Variants in MSTO1 observed in about 807,000 individuals in gnomAD.
MSTO1 encodes the protein protein misato homolog 1.
MSTO1 carries 24 observed loss-of-function variants against 55.7 expected under a neutral mutation model. The observed-to-expected ratio is 0.43, with a 90% CI of 0.31 to 0.61. MSTO1 has a LOEUF of 0.61. Ranked by LOEUF, MSTO1 falls within the 20% of genes least tolerant of loss-of-function variation. The pLI, the probability that MSTO1 is intolerant of heterozygous loss-of-function variation, is 0.09. For synonymous variants in MSTO1, 162 were observed against 252.8 expected (o/e 0.64, Z 3.41); for missense variants, 363 against 625.7 (o/e 0.58, Z 4.48).
the MSTO1 span, among the ~76,000 whole-genome samples, chr1:155,603,675 T>C: frequency 2.0e-5 from 3 of 152,100 alleles, no homozygotes; most frequent in South Asian, 6.2e-4. Context: ...CTGGACAACA[T>C]GGTGAAACCA....
chr1:155,609,243 A>ATATATATATATATATATATTTT (rs59756178), upstream of MSTO1, among the ~76,000 whole-genome samples: 2 of 54,566 alleles, frequency 3.7e-5, no homozygotes, highest in South Asian at 1.1e-3. Flanking sequence ...ATATATATAT[A>ATATATATATATATATATATTTT]TTTTTTTTTT....
chr1:155,582,700 C>T, the MSTO1 span, among the ~76,000 whole-genome samples: 1 of 151,670 alleles, frequency 6.6e-6, no homozygotes, highest in South Asian at 2.1e-4. Context: ...ACCCCGTGAT[C>T]CACCTGCCTC....
chr1:155,586,473 T>C, the MSTO1 span, among the ~76,000 whole-genome samples: 1 of 152,230 alleles, frequency 6.6e-6, no homozygotes, highest in Non-Finnish European at 1.5e-5. Flanking sequence ...TTGTGTTTCT[T>C]TTCTGTGAAA....
the MSTO1 span, among the ~76,000 whole-genome samples, chr1:155,604,599 G>A: frequency 6.6e-6 from 1 of 152,208 alleles, no homozygotes; most frequent in African/African-American, 2.4e-5. Context: ...TGGCTGGCAG[G>A]GCACGGTGGC....
chr1:155,571,001 C>T, the MSTO1 span, among the ~76,000 whole-genome samples: 1 of 152,140 alleles, frequency 6.6e-6, no homozygotes, highest in African/African-American at 2.4e-5. Flanking sequence ...AAACCACATG[C>T]ATTATTTCTA....
the MSTO1 span, among the ~76,000 whole-genome samples, chr1:155,602,857 C>A: frequency 8.6e-5 from 13 of 151,960 alleles, no homozygotes; most frequent in South Asian, 4.1e-4. Context: ...CAGACAATAT[C>A]TTTTTAGGGA....
At chr1:155,605,269 A>T (rs929527478), upstream of MSTO1, among the ~76,000 whole-genome samples, 3 of 152,016 alleles carry the variant, frequency 2.0e-5, no homozygotes, top group African/African-American at 7.2e-5. Flanking sequence ...ACAAAACAAA[A>T]CAAAACAAAA....
chr1:155,569,434 C>CTTT, the MSTO1 span, among the ~76,000 whole-genome samples: 39 of 89,774 alleles, frequency 4.3e-4, 1 homozygote, highest in African/African-American at 1.1e-3. Flanking sequence ...TGCGCCCGGT[C>CTTT]TTTTTTTTTT....
the MSTO1 span, among the ~76,000 whole-genome samples, chr1:155,604,808 G>A: frequency 3.9e-5 from 6 of 152,148 alleles, no homozygotes; most frequent in African/African-American, 1.4e-4. Flanking sequence ...CCAAGAGGTC[G>A]AAGTTGCACT....
the MSTO1 span, among the ~76,000 whole-genome samples, chr1:155,602,601 G>A: frequency 6.6e-6 from 1 of 152,156 alleles, no homozygotes; most frequent in Non-Finnish European, 1.5e-5. Flanking sequence ...CTTGTGCCCT[G>A]GGTACCAACA....
chr1:155,612,219 C>A lies in MSTO1; in HGVS notation c.716C>A (p.Ser239Tyr), dbSNP rs764871960. ...CTGTGTGACCTGCACGATGGCTTCT[C>A]TGGGGTAGGCGCGAAGGCGGCAGAG... is the stretch of plus-strand genomic sequence containing the variant. ...QILCDLHDGF[S>Y]GVGAKAAELL... The change falls in exon 8 of 14, where the codon TCT becomes TAT. Residue 239 changes from serine to tyrosine, a missense_variant. Physicochemically the swap from Ser to Tyr is moderately radical, Grantham distance 144. Around this residue, in one of 3 missense-constraint regions of MSTO1, gnomAD observed 231 missense variants for 286.9 expected, o/e 0.81. Transcript: ENST00000245564. 1.7e-5 allele frequency: 28 copies of A among 1,611,380 alleles called. No homozygotes were observed. The highest frequency in any genetic ancestry group is 2.3e-5 in the Non-Finnish European group (27 of 1,178,502).
the MSTO1 span, among the ~76,000 whole-genome samples, chr1:155,596,379 T>A: frequency 6.6e-6 from 1 of 152,228 alleles, no homozygotes; most frequent in Non-Finnish European, 1.5e-5. Context: ...GCAAGAATTG[T>A]CTCTGCTACC....
chr1:155,568,115 T>G, the MSTO1 span, among the ~76,000 whole-genome samples: 1 of 151,464 alleles, frequency 6.6e-6, no homozygotes, highest in Non-Finnish European at 1.5e-5. Flanking sequence ...AGTCTCACTC[T>G]ATTGCCCAGG....
chr1:155,582,313 C>T, the MSTO1 span, among the ~76,000 whole-genome samples: 1 of 152,322 alleles, frequency 6.6e-6, no homozygotes, highest in East Asian at 1.9e-4. Context: ...AAACAGAAAT[C>T]AGTACGCAAT....
At chr1:155,599,586 G>T in the MSTO1 span, among the ~76,000 whole-genome samples, 30 of 152,330 alleles carry the variant, frequency 2.0e-4, no homozygotes, top group African/African-American at 7.2e-4. Flanking sequence ...TCGTAAGGTG[G>T]AATGAGAGAC....
the MSTO1 span, chr1:155,598,839 C>G: frequency 2.9e-6 from 4 of 1,399,896 alleles, no homozygotes; most frequent in African/African-American, 5.7e-5. Flanking sequence ...AGAAGGGAAC[C>G]GGAAAAACAC....
chr1:155,586,597 G>A, the MSTO1 span: 1 of 433,718 alleles, frequency 2.3e-6, no homozygotes, highest in Non-Finnish European at 4.5e-6. Flanking sequence ...AGTTTCCCAT[G>A]TTGCAAATAT....
chr1:155,610,006 G>C (rs1388639047), upstream of MSTO1: 10 of 536,812 alleles, frequency 1.9e-5, no homozygotes, highest in Non-Finnish European at 2.9e-5. Context: ...CCAACGTGGA[G>C]CAGGAGCAAC....
chr1:155,608,724 G>A (rs1011675420), upstream of MSTO1, among the ~76,000 whole-genome samples: 1 of 151,122 alleles, frequency 6.6e-6, no homozygotes, highest in African/African-American at 2.4e-5. Flanking sequence ...GGATGGTCTC[G>A]ATCTCCTGAC....
Sources: allele counts gnomAD v4.1 joint callset (sites outside exome capture counted in the v4.1 genomes callset), GRCh38; gene constraint gnomAD v4.1.1; regional missense constraint gnomAD v4.1.1; transcripts MANE v1.5; gene names NCBI Gene and HGNC (gene_info 2026-07-23, HGNC 2026-07-21).